DAD1: variants seen among roughly 807,000 people sequenced by gnomAD.
DAD1 encodes the protein dolichyl-diphosphooligosaccharide--protein glycosyltransferase subunit DAD1.
In DAD1, 4 loss-of-function variants were observed where a neutral mutation model predicts 9.0. The observed-to-expected ratio is 0.44, with a 90% CI of 0.22 to 1.01. DAD1 has a LOEUF of 1.01. Among genes scored for constraint, DAD1 ranks in the 50% least tolerant of loss-of-function variants. The pLI is 0.24. For synonymous variants in DAD1, 60 were observed against 62.5 expected (o/e 0.96, Z 0.19); for missense variants, 119 against 137.3 (o/e 0.87, Z 0.67).
In DAD1 at chr14:22,583,370, CAAGAA is replaced by C. The variant is rs201908291; in HGVS notation, c.211+5572_211+5576del. On this transcript the variant is annotated intron_variant, in intron 1 of 2. Coordinates refer to ENST00000250498, the MANE Select transcript of DAD1 (RefSeq NM_001344.4). ...AGAACAAGCAGGAGAGTGTTGTATT[CAAGAA>C]AAAACTTTCCTTTTACACAGAAGCC... 1.6e-3 allele frequency among the ~76,000 whole-genome samples: 246 copies of C among 150,762 alleles called. 9 individuals are homozygous for C. The East Asian group carries it at 0.041, about 25-fold the overall frequency.
intron 1 of DAD1, among the ~76,000 whole-genome samples, chr14:22,586,010 T>C (rs1349279092): frequency 6.6e-6 from 1 of 151,836 alleles, no homozygotes; most frequent in Admixed American, 6.6e-5. Context: ...ATCAAGACCA[T>C]CCTGGCTAAC....
At chr14:22,584,372 A>T (rs905283534) in intron 1 of DAD1, among the ~76,000 whole-genome samples, 1 of 152,026 alleles carries the variant, frequency 6.6e-6, no homozygotes, top group Admixed American at 6.6e-5. Context: ...AAGGTGAAAA[A>T]GGAATACAGA....
chr14:22,568,812 C>T (rs2037018630), intron 2 of DAD1, among the ~76,000 whole-genome samples: 1 of 152,068 alleles, frequency 6.6e-6, no homozygotes, highest in Admixed American at 6.5e-5. Context: ...ATCCTTCCAC[C>T]TCAGCCTTCT....
intron 1 of DAD1, among the ~76,000 whole-genome samples, chr14:22,579,233 A>C (rs543864918): frequency 1.3e-5 from 2 of 151,888 alleles, no homozygotes; most frequent in African/African-American, 2.4e-5. Context: ...AAAAAAAAAA[A>C]CAGGCAGTTC....
intron 2 of DAD1, chr14:22,567,310 ATATGTTC>A (rs1179047767): frequency 6.6e-6 from 1 of 152,230 alleles, no homozygotes; most frequent in African/African-American, 2.4e-5. Context: ...CACTGGGCAG[ATATGTTC>A]AAATACTGAT....
At chr14:22,570,186 T>G (rs1300744314) in intron 2 of DAD1, among the ~76,000 whole-genome samples, 3 of 148,468 alleles carry the variant, frequency 2.0e-5, no homozygotes, top group African/African-American at 7.8e-5. Context: ...TTAAAGATTA[T>G]TGCGTGGGAG....
rs746166947 is a variant in DAD1 at position 22,575,171 on chromosome 14, G to C, written c.274C>G (p.Arg92Gly). ...GCAAAGAGAAAATCAGCAAAGGCTCGCTCTGGGGAGATGCCTTGGAAATCC... is the reference window on the plus strand; with the variant it reads ...GCAAAGAGAAAATCAGCAAAGGCTCCCTCTGGGGAGATGCCTTGGAAATCC... ...KADFQGISPE[R>G]AFADFLFAST... The change falls in exon 2 of 3, where the codon CGA becomes GGA. Residue 92 changes from arginine to glycine, a missense_variant. Transcript: ENST00000250498. 1 of 1,614,176 alleles carries C rather than the reference G, an allele frequency of 6.2e-7. No individual in the cohort carries two copies. Among genetic ancestry groups the C allele is most frequent in the Non-Finnish European group, 8.5e-7 (1 of 1,180,016 alleles).
rs184632370 is a variant in DAD1, at chr14:22,580,265, T to C, written c.212-5032A>G. Among the ~76,000 whole-genome samples, 123 of 151,436 alleles carry C rather than the reference T, an allele frequency of 8.1e-4. 1 individual carries two copies. Among genetic ancestry groups the C allele is most frequent in the African/African-American group, 2.7e-3 (111 of 41,132 alleles). On this transcript the variant is annotated intron_variant, in intron 1 of 2. Transcript: ENST00000250498. The stretch of plus-strand genomic sequence containing the variant: ...AGACCCTGTCTCTACAAAAAAAATG[T>C]TTTAATTAGCCAGGTGTGGTAGCAC...
At chr14:22,578,638 T>C (rs1224681005) in intron 1 of DAD1, among the ~76,000 whole-genome samples, 2 of 152,216 alleles carry the variant, frequency 1.3e-5, no homozygotes, top group Non-Finnish European at 2.9e-5. Flanking sequence ...AAAACCAATC[T>C]ATGGCAAGAT....
intron 2 of DAD1, 150 bp from the exon 3 acceptor site, chr14:22,565,287 C>T: frequency 1.8e-6 from 1 of 554,822 alleles, no homozygotes; most frequent in Non-Finnish European, 3.2e-6. Flanking sequence ...TAGAAAGAAG[C>T]AAGTATTTTT....
In DAD1 at chr14:22,568,387, T is replaced by C. The variant is rs534297461; in HGVS notation, c.*45-3250A>G. 1.5e-4 allele frequency among the ~76,000 whole-genome samples: 23 copies of C among 152,350 alleles called. No individual in the cohort carries two copies. In the South Asian group the frequency reaches 4.3e-3, roughly 29 times the overall value. On this transcript the variant is annotated intron_variant, in intron 2 of 2. Coordinates refer to ENST00000250498, the MANE Select transcript of DAD1 (RefSeq NM_001344.4). ...CTTCATACAAATATGTGCATCTTGT[T>C]ATAATCATTTAACTTTCTGCCTCCT... is the stretch of plus-strand genomic sequence containing the variant.
At position 22,573,602 on chromosome 14, in the gene DAD1, C is replaced by T. The variant is rs910161405; in HGVS notation, c.*44+1457G>A. Among the ~76,000 whole-genome samples, 8 of 148,428 alleles carry T rather than the reference C, an allele frequency of 5.4e-5. No individual in the cohort carries two copies. The South Asian group carries it at 8.7e-4, about 16-fold the overall frequency. ...GCGGGCGCCTGTAGTCCCAGCTACT[C>T]GGGAGGCTGAGGCAGGAGAATGGCA... On this transcript the variant is annotated intron_variant, in intron 2 of 2. Transcript: ENST00000250498.
intron 1 of DAD1, among the ~76,000 whole-genome samples, chr14:22,586,124 T>C (rs1239200177): frequency 6.7e-6 from 1 of 148,518 alleles, no homozygotes; most frequent in African/African-American, 2.5e-5. Flanking sequence ...GAGAATGGCG[T>C]GAACGCAGGA....
intron 2 of DAD1, among the ~76,000 whole-genome samples, chr14:22,566,411 C>T (rs562039365): frequency 5.9e-4 from 89 of 152,094 alleles, no homozygotes; most frequent in African/African-American, 1.3e-3. Flanking sequence ...CTCGGGTCAC[C>T]GCAACCTCCG....
chr14:22,576,906 T>C (rs1465968960), intron 1 of DAD1, among the ~76,000 whole-genome samples: 2 of 151,808 alleles, frequency 1.3e-5, no homozygotes, highest in African/African-American at 4.8e-5. Context: ...GCAATACAAA[T>C]CAAAATTACA....
At chr14:22,569,282 A>T (rs60921192) in intron 2 of DAD1, among the ~76,000 whole-genome samples, 14,283 of 152,014 alleles carry the variant, frequency 0.094, 1,235 homozygotes, top group African/African-American at 0.23. Flanking sequence ...AAAATACAAA[A>T]ATTAGCCAGG....
In DAD1 at chr14:22,565,023, G is replaced by A; in HGVS notation, c.*159C>T. On this transcript the variant is annotated 3_prime_UTR_variant, in exon 3 of 3. Transcript: ENST00000250498. Reference sequence around the variant, plus strand: ...TGTTCTGACACACAGTGAACTCTGGGCTTTTCTCCTGCATAAAAAGCAGAG... The same window carrying A: ...TGTTCTGACACACAGTGAACTCTGGACTTTTCTCCTGCATAAAAAGCAGAG... The A allele has an allele frequency of 1.5e-6, 1 of 683,688 alleles. No individual in the cohort carries two copies. The highest frequency in any genetic ancestry group is 2.7e-6 in the Non-Finnish European group (1 of 376,266). The allele number at this position is 683,688 out of a possible 1,614,324, so 42.4% of individuals were successfully genotyped here.
intron 2 of DAD1, among the ~76,000 whole-genome samples, chr14:22,567,641 A>C (rs1176578338): frequency 1.3e-5 from 2 of 152,258 alleles, no homozygotes; most frequent in African/African-American, 4.8e-5. Context: ...AGTTAAATTA[A>C]AAATTCAGTT....
At chr14:22,572,882 G>C (rs952806230) in intron 2 of DAD1, among the ~76,000 whole-genome samples, 1 of 152,096 alleles carries the variant, frequency 6.6e-6, no homozygotes, top group Non-Finnish European at 1.5e-5. Flanking sequence ...GAAGCCCAAG[G>C]GTTACTCATA....
Sources: gnomAD v4.1 joint callset for allele counts (sites outside exome capture counted in the v4.1 genomes callset) on GRCh38, gnomAD v4.1.1 for gene constraint, MANE v1.5 for transcripts, NCBI Gene and HGNC (gene_info 2026-07-23, HGNC 2026-07-21) for gene names.